The following DLG2 variants were observed in gnomAD, a reference collection of about 807,000 sequenced individuals.
DLG2 encodes discs large MAGUK scaffold protein 2.
Under a neutral mutation model 132.5 loss-of-function variants are expected in DLG2, and 45 were observed. That is an observed-to-expected ratio of 0.34 (90% confidence interval 0.27 to 0.44). The LOEUF is 0.44. Ranked by LOEUF, DLG2 falls within the 20% of genes least tolerant of loss-of-function variation. The pLI is 1.00. For synonymous variants in DLG2, 424 were observed against 419.6 expected (o/e 1.01, Z -0.13); for missense variants, 1,045 against 1,196.9 (o/e 0.87, Z 1.87).
intron 6 of DLG2, among the ~76,000 whole-genome samples, chr11:84,643,792 C>G (rs940145986): frequency 1.3e-5 from 2 of 152,118 alleles, no homozygotes; most frequent in African/African-American, 4.8e-5. Flanking sequence ...GGCATACAAG[C>G]CTGCTTCTTA....
intron 3 of DLG2, among the ~76,000 whole-genome samples, chr11:85,392,849 A>G (rs1420659748): frequency 6.6e-6 from 1 of 152,126 alleles, no homozygotes; most frequent in East Asian, 1.9e-4. Flanking sequence ...AGACTGAAAT[A>G]TAAGAGCTGA....
intron 18 of DLG2, among the ~76,000 whole-genome samples, chr11:83,764,529 C>G (rs1175341887): frequency 1.3e-5 from 2 of 152,166 alleles, no homozygotes; most frequent in African/African-American, 4.8e-5. Flanking sequence ...GGGAGTTACT[C>G]TATCTTTCTG....
At chr11:83,715,107 G>A (rs187598225) in intron 18 of DLG2, among the ~76,000 whole-genome samples, 2 of 152,220 alleles carry the variant, frequency 1.3e-5, no homozygotes, top group African/African-American at 2.4e-5. Context: ...TCATGTCCTT[G>A]CAAGGACATG....
chr11:85,105,807 A>G (rs1406537077), intron 6 of DLG2, among the ~76,000 whole-genome samples: 1 of 151,942 alleles, frequency 6.6e-6, no homozygotes, highest in Non-Finnish European at 1.5e-5. Flanking sequence ...CAGCAGCAGA[A>G]TTAGTCCAGA....
intron 17 of DLG2, among the ~76,000 whole-genome samples, chr11:83,830,961 G>C (rs1329108840): frequency 6.6e-6 from 1 of 152,184 alleles, no homozygotes; most frequent in Non-Finnish European, 1.5e-5. Context: ...ATGTAAGCCA[G>C]GATGATGAAG....
chr11:84,968,866 A>G (rs1387403180), intron 6 of DLG2, among the ~76,000 whole-genome samples: 1 of 152,178 alleles, frequency 6.6e-6, no homozygotes, highest in Non-Finnish European at 1.5e-5. Context: ...TACAATAACT[A>G]CAAAATGTCA....
Position 85,298,580 on chromosome 11 carries a change from CA to C in DLG2, c.41-13216del, listed in dbSNP as rs1186906819. Among the ~76,000 whole-genome samples, 3 of 152,106 alleles carry C rather than the reference CA, an allele frequency of 2.0e-5. No individual in the cohort carries two copies. In the East Asian group the frequency reaches 5.8e-4, roughly 29 times the overall value. On this transcript the variant is annotated intron_variant, in intron 3 of 27. Transcript: ENST00000376104. ...AATTAAGGAAATTAGAAAGACATGA[CA>C]ACTAAAGATGACATGTGATTCTGAA... is the stretch of plus-strand genomic sequence containing the variant.
chr11:84,948,490 A>G (rs2050509412), intron 6 of DLG2, among the ~76,000 whole-genome samples: 2 of 152,240 alleles, frequency 1.3e-5, no homozygotes, highest in South Asian at 4.1e-4. Context: ...GGATTCTTCA[A>G]TTTGCTAATC....
At chr11:84,443,621 G>A (rs1010526049) in intron 7 of DLG2, among the ~76,000 whole-genome samples, 1 of 152,168 alleles carries the variant, frequency 6.6e-6, no homozygotes, top group Non-Finnish European at 1.5e-5. Flanking sequence ...TTAACTCTTT[G>A]TAGTCTTGAT....
chr11:84,738,227 T>G (rs2064123714), intron 6 of DLG2, among the ~76,000 whole-genome samples: 1 of 152,070 alleles, frequency 6.6e-6, no homozygotes, highest in South Asian at 2.1e-4. Context: ...TTTTTTTCTT[T>G]TTCTTTTTTT....
intron 22 of DLG2, among the ~76,000 whole-genome samples, chr11:83,481,907 C>T (rs957992464): frequency 1.3e-5 from 2 of 151,904 alleles, no homozygotes; most frequent in Admixed American, 6.6e-5. Context: ...GAAATGGTGT[C>T]CTATTTCTGA....
At chr11:84,307,285 G>C (rs1567237416) in intron 7 of DLG2, among the ~76,000 whole-genome samples, 2 of 152,130 alleles carry the variant, frequency 1.3e-5, no homozygotes, top group Non-Finnish European at 2.9e-5. Context: ...CTTATAAATG[G>C]GAGCTAAATA....
intron 6 of DLG2, among the ~76,000 whole-genome samples, chr11:84,586,383 C>T (rs2099530012): frequency 6.6e-6 from 1 of 152,086 alleles, no homozygotes; most frequent in African/African-American, 2.4e-5. Flanking sequence ...TAAAGTACCT[C>T]AACTTTATTT....
rs893434285 is a variant in DLG2, at chr11:84,269,761, G to A, written c.520-18470C>T. On this transcript the variant is annotated intron_variant, in intron 7 of 27. Transcript: ENST00000376104. The stretch of plus-strand genomic sequence containing the variant: ...AGCCCCAAGTCTAGCAGCAAGATGA[G>A]CATAAGAACTGTACTTAGGACCCAC... Among the ~76,000 whole-genome samples, 130 of 152,242 alleles carry A rather than the reference G, an allele frequency of 8.5e-4. 2 individuals are homozygous for A. The highest frequency in any genetic ancestry group is 3.0e-3 in the African/African-American group (126 of 41,552).
chr11:85,319,553 T>C (rs1339216994), intron 3 of DLG2, among the ~76,000 whole-genome samples: 1 of 151,876 alleles, frequency 6.6e-6, no homozygotes, highest in Non-Finnish European at 1.5e-5. Context: ...CCTCTTAATG[T>C]ACAGTTTCAG....
chr11:83,483,386 C>T (rs929123682), intron 22 of DLG2: 1 of 988,714 alleles, frequency 1.0e-6, no homozygotes, highest in East Asian at 2.4e-5. Flanking sequence ...GAAATGAATA[C>T]TACCATGACA....
At chr11:84,978,762 G>T (rs540648137) in intron 6 of DLG2, among the ~76,000 whole-genome samples, 9 of 152,166 alleles carry the variant, frequency 5.9e-5, no homozygotes, top group South Asian at 2.1e-4. Context: ...GGGCAAGGAC[G>T]TCATGTCTAA....
At chr11:85,085,295 G>A (rs1402201610) in intron 6 of DLG2, among the ~76,000 whole-genome samples, 1 of 151,966 alleles carries the variant, frequency 6.6e-6, no homozygotes, top group Non-Finnish European at 1.5e-5. Flanking sequence ...TTAGTTATGG[G>A]CTTCTAAAAT....
chr11:85,555,784 C>T (rs1201674132), intron 3 of DLG2, among the ~76,000 whole-genome samples: 2 of 151,898 alleles, frequency 1.3e-5, no homozygotes, highest in African/African-American at 4.8e-5. Flanking sequence ...TCACAGGCCC[C>T]TCATTTTTCT....
Sources: allele counts gnomAD v4.1 joint callset (sites outside exome capture counted in the v4.1 genomes callset), GRCh38; gene constraint gnomAD v4.1.1; transcripts MANE v1.5; gene names NCBI Gene and HGNC (gene_info 2026-07-23, HGNC 2026-07-21).